Variants in TOX observed in about 807,000 individuals in gnomAD.
The protein encoded by TOX is thymocyte selection-associated high mobility group box protein TOX.
A neutral mutation model predicts 53.7 loss-of-function variants in TOX; 11 were observed. That is an observed-to-expected ratio of 0.20 (90% CI 0.13 to 0.34). The LOEUF (loss-of-function observed/expected upper bound fraction) is 0.34. TOX is among the 10% of genes least tolerant of loss of function. The pLI is 1.00. For synonymous variants in TOX, 225 were observed against 245.3 expected, an observed-to-expected ratio of 0.92 and a Z score of 0.77; for missense variants, 570 against 664.6, an observed-to-expected ratio of 0.86 and a Z score of 1.56.
At chr8:58,950,925 G>A (rs977212441) in intron 2 of TOX, among the ~76,000 whole-genome samples, 2 of 152,170 alleles carry the variant, frequency 1.3e-5, no homozygotes, top group African/African-American at 4.8e-5. Context: ...TATCCACTGT[G>A]TGATTGTTCA....
intron 1 of TOX, among the ~76,000 whole-genome samples, chr8:59,011,872 T>C (rs2129418771): frequency 6.6e-6 from 1 of 152,214 alleles, no homozygotes; most frequent in East Asian, 1.9e-4. Context: ...CCACTATTAC[T>C]TGAAGTGCAA....
chr8:59,098,773 T>G (rs974705640), intron 1 of TOX, among the ~76,000 whole-genome samples: 1 of 152,218 alleles, frequency 6.6e-6, no homozygotes, highest in Non-Finnish European at 1.5e-5. Context: ...TCCTGTAGCA[T>G]CCTCCTTGAC....
At chr8:58,986,050 T>G (rs1813322731) in intron 1 of TOX, among the ~76,000 whole-genome samples, 1 of 152,246 alleles carries the variant, frequency 6.6e-6, no homozygotes, top group Non-Finnish European at 1.5e-5. Context: ...CTTACAATAC[T>G]AAATGGCATG....
intron 1 of TOX, among the ~76,000 whole-genome samples, chr8:59,057,568 T>A (rs1803906990): frequency 6.6e-6 from 1 of 152,180 alleles, no homozygotes; most frequent in Admixed American, 6.5e-5. Context: ...CACTCCAGAT[T>A]TCATGCTTGT....
chr8:59,088,323 G>A (rs1254881392), intron 1 of TOX, among the ~76,000 whole-genome samples: 1 of 152,148 alleles, frequency 6.6e-6, no homozygotes, highest in Admixed American at 6.5e-5. Flanking sequence ...GTATGCTTAC[G>A]AAGGGATAGG....
chr8:59,037,858 A>T (rs1425360962), intron 1 of TOX, among the ~76,000 whole-genome samples: 1 of 152,138 alleles, frequency 6.6e-6, no homozygotes, highest in Non-Finnish European at 1.5e-5. Flanking sequence ...TATCCAAACA[A>T]GCCACCCTTC....
At chr8:58,998,505 AT>A (rs1459831377) in intron 1 of TOX, among the ~76,000 whole-genome samples, 6 of 79,628 alleles carry the variant, frequency 7.5e-5, no homozygotes, top group African/African-American at 3.5e-4. Context: ...ATATATATAT[AT>A]ATATATATAT....
At chr8:58,922,324 A>G (rs918704151) in intron 3 of TOX, among the ~76,000 whole-genome samples, 2 of 152,206 alleles carry the variant, frequency 1.3e-5, no homozygotes, top group African/African-American at 4.8e-5. Context: ...TTTAATCATG[A>G]TAAGTTAGAA....
chr8:58,863,011 A>T (rs566195911), intron 3 of TOX, among the ~76,000 whole-genome samples: 2 of 152,148 alleles, frequency 1.3e-5, no homozygotes, highest in Non-Finnish European at 2.9e-5. Context: ...TAAAGCACTA[A>T]TGTTAATAAT....
chr8:58,844,203 G>C (rs750963059), intron 4 of TOX, among the ~76,000 whole-genome samples: 1 of 152,138 alleles, frequency 6.6e-6, no homozygotes, highest in South Asian at 2.1e-4. Context: ...GCTCTCTGCC[G>C]TGTCTAAAAG....
intron 7 of TOX, among the ~76,000 whole-genome samples, chr8:58,808,663 T>G (rs1428383259): frequency 1.3e-5 from 2 of 152,224 alleles, no homozygotes; most frequent in Non-Finnish European, 2.9e-5. Context: ...TGCAACAGAA[T>G]CTTTTTTGAA....
intron 1 of TOX, among the ~76,000 whole-genome samples, chr8:58,983,657 A>C (rs1169325210): frequency 6.6e-6 from 1 of 152,230 alleles, no homozygotes; most frequent in Non-Finnish European, 1.5e-5. Flanking sequence ...AGAATGTCAA[A>C]TCAATTTTGG....
intron 1 of TOX, among the ~76,000 whole-genome samples, chr8:58,989,265 G>A (rs1045851001): frequency 2.0e-5 from 3 of 151,786 alleles, no homozygotes; most frequent in East Asian, 1.9e-4. Context: ...GCAGGGAGCC[G>A]AGATCACGCC....
At chr8:59,114,114 C>A (rs977019120) in intron 1 of TOX, among the ~76,000 whole-genome samples, 1 of 152,130 alleles carries the variant, frequency 6.6e-6, no homozygotes, top group African/African-American at 2.4e-5. Flanking sequence ...CTTCCTGTTC[C>A]ACTGTTCTTA....
At chr8:58,849,788 T>C (rs1252156228) in intron 4 of TOX, among the ~76,000 whole-genome samples, 3 of 152,196 alleles carry the variant, frequency 2.0e-5, no homozygotes, top group South Asian at 2.1e-4. Flanking sequence ...AGAACATTAA[T>C]TTTTTTCGCC....
At chr8:58,962,353 T>C (rs1444019782) in intron 1 of TOX, among the ~76,000 whole-genome samples, 1 of 152,248 alleles carries the variant, frequency 6.6e-6, no homozygotes, top group African/African-American at 2.4e-5. Context: ...CTGCCACCTG[T>C]ATCTTTACAT....
chr8:58,989,964 C>T (rs544080431), intron 1 of TOX, among the ~76,000 whole-genome samples: 94 of 152,156 alleles, frequency 6.2e-4, no homozygotes, highest in Non-Finnish European at 1.2e-3. Flanking sequence ...CGGAATCACT[C>T]CAGAGACACA....
At chr8:59,051,891 T>C (rs1439034050) in intron 1 of TOX, among the ~76,000 whole-genome samples, 1 of 152,210 alleles carries the variant, frequency 6.6e-6, no homozygotes, top group Non-Finnish European at 1.5e-5. Flanking sequence ...CTCTATTTAG[T>C]GAGTCAATAT....
At chr8:59,065,561 CTTCCT>C (rs980119900) in intron 1 of TOX, among the ~76,000 whole-genome samples, 2 of 152,146 alleles carry the variant, frequency 1.3e-5, no homozygotes, top group Non-Finnish European at 2.9e-5. Context: ...AATCTGACCC[CTTCCT>C]TTTACAAATG....
Sources: allele counts gnomAD v4.1 joint callset (sites outside exome capture counted in the v4.1 genomes callset), GRCh38; gene constraint gnomAD v4.1.1; transcripts MANE v1.5; gene names NCBI Gene and HGNC (gene_info 2026-07-23, HGNC 2026-07-21).